AP3B2: variants seen among roughly 807,000 people sequenced by gnomAD.
The protein encoded by AP3B2 is AP-3 complex subunit beta-2.
Under a neutral mutation model 126.9 loss-of-function variants are expected in AP3B2, and 50 were observed. The observed-to-expected ratio is 0.39, with a 90% CI of 0.31 to 0.50. The LOEUF (loss-of-function observed/expected upper bound fraction) is 0.50, where lower values mean the gene tolerates loss of function less well. Ranked by LOEUF, AP3B2 falls within the 20% of genes least tolerant of loss-of-function variation. The pLI, the probability that AP3B2 is intolerant of heterozygous loss-of-function variation, is 0.79. For missense variants in AP3B2, 1,177 were observed against 1,426.4 expected (o/e 0.83, Z 2.82); for synonymous variants, 541 against 565.0 (o/e 0.96, Z 0.60).
rs1293461899 is a variant in AP3B2, at chr15:82,679,799, C to A, written c.1112G>T (p.Gly371Val). Residue 371 changes from glycine (G) to valine (V), a missense_variant and splice_region_variant, in exon 10 of 27, where the codon GGT becomes GTT. By Grantham distance (109) the Gly-to-Val change is moderately radical. Around this residue, in one of 5 missense-constraint regions of AP3B2, gnomAD observed 308 missense variants for 452.4 expected, o/e 0.68. Coordinates refer to ENST00000535359, the MANE Select transcript of AP3B2 (RefSeq NM_001278512.2). ...NVATMSIKRR[G>V]MFEPYLKSFY... is the part of the protein sequence containing the mutation. ...GCTCTTCAGGTAGGGCTCAAACATA[C>A]CCTGGCACAAGAGAGGCAGCTAGGG... 3.7e-6 allele frequency: 6 copies of A among 1,613,778 alleles called. No individual in the cohort carries two copies. Among genetic ancestry groups the A allele is most frequent in the Non-Finnish European group, 5.1e-6 (6 of 1,179,816 alleles).
chr15:82,678,015 T>C (rs2048272815), intron 11 of AP3B2, 90 bp downstream of exon 11: 2 of 1,479,472 alleles, frequency 1.4e-6, no homozygotes, highest in East Asian at 2.3e-5. Flanking sequence ...TTCTCCAGCC[T>C]TGGGCTCATA....
chr15:82,666,672 G>C lies in AP3B2; in HGVS notation c.1852+75C>G. ...CCTGGTGCCTGGCTAGGGGCCTCAG[G>C]AAGGTCTGGGGCAGAGACTCTGGCC... On this transcript the variant is annotated intron_variant, in intron 15 of 26. Coordinates refer to ENST00000535359, the MANE Select transcript of AP3B2 (RefSeq NM_001278512.2). 5 of 1,495,568 alleles carry C rather than the reference G, an allele frequency of 3.3e-6. No individual in the cohort carries two copies. In the South Asian group the frequency reaches 6.6e-5, roughly 20 times the overall value. The allele number at this position is 1,495,568 out of a possible 1,614,324, so 92.6% of individuals were successfully genotyped here. A position where few individuals can be genotyped will look rare whatever the true frequency, so the allele number is the denominator to read the frequency against.
intron 1 of AP3B2, chr15:82,699,749 C>G (rs1359014688): frequency 2.5e-6 from 1 of 399,406 alleles, no homozygotes; most frequent in Non-Finnish European, 4.4e-6. Context: ...GGCTCCAAGG[C>G]CTGGTACCGG....
chr15:82,689,528 AAAG>A, intron 1 of AP3B2, 75 bp from the exon 2 acceptor site: 2 of 1,440,358 alleles, frequency 1.4e-6, no homozygotes, highest in Non-Finnish European at 1.9e-6. Context: ...GTCCAGGCAC[AAAG>A]AAGGGACATG....
chr15:82,663,371 C>CTAGA (rs1305869943), intron 21 of AP3B2, 138 bp from the exon 22 acceptor site: 4 of 974,322 alleles, frequency 4.1e-6, no homozygotes, highest in Non-Finnish European at 6.4e-6. Flanking sequence ...TCGCAAAATA[C>CTAGA]CCATTCCTAG....
At chr15:82,695,240 C>CGT (rs1182423865) in intron 1 of AP3B2, among the ~76,000 whole-genome samples, 1 of 151,938 alleles carries the variant, frequency 6.6e-6, no homozygotes, top group Non-Finnish European at 1.5e-5. Flanking sequence ...GCTGGGACTA[C>CGT]AGTTGCCCAC....
At chr15:82,662,660 C>T in intron 23 of AP3B2, 34 bp downstream of exon 23, 2 of 1,566,968 alleles carry the variant, frequency 1.3e-6, no homozygotes, top group Non-Finnish European at 1.7e-6. Flanking sequence ...TGCCCAGGAG[C>T]CTCCTCCTCC....
chr15:82,682,116 A>G (rs2151442325), intron 4 of AP3B2, among the ~76,000 whole-genome samples: 1 of 135,342 alleles, frequency 7.4e-6, no homozygotes, highest in Admixed American at 8.4e-5. Context: ...CGGTGGTGCA[A>G]TCTCGGCTCA....
intron 1 of AP3B2, among the ~76,000 whole-genome samples, chr15:82,690,301 C>T (rs2048505120): frequency 2.6e-5 from 4 of 151,760 alleles, no homozygotes; most frequent in East Asian, 1.9e-4. Context: ...ATGTGCACAA[C>T]GTGCAGCTTT....
In AP3B2 at chr15:82,689,224, G is replaced by A. The variant is rs763351304; in HGVS notation, c.198C>T (p.Ala66=). ...EAMKRIVAMI[A]RGKNASDLFP... ...ACAGGTCTGAAGCATTCTTTCCTCG[G>A]GCAATCATCTGGGTGGTGGGGTCAA... The change falls in exon 3 of 27, where the codon GCC becomes GCT. Residue 66 remains alanine, a synonymous_variant. Coordinates refer to ENST00000535359, the MANE Select transcript of AP3B2 (RefSeq NM_001278512.2). 1.9e-6 allele frequency: 3 copies of A among 1,614,008 alleles called. No individual in the cohort carries two copies. The highest frequency in any genetic ancestry group is 2.5e-6 in the Non-Finnish European group (3 of 1,179,900).
chr15:82,696,089 T>C (rs1296120827), intron 1 of AP3B2, among the ~76,000 whole-genome samples: 2 of 152,148 alleles, frequency 1.3e-5, no homozygotes, highest in Non-Finnish European at 2.9e-5. Flanking sequence ...CCAAATTTCC[T>C]CTTCTTATAA....
chr15:82,688,676 ACTC>A (rs1224616138), intron 4 of AP3B2, 57 bp downstream of exon 4: 3 of 1,466,082 alleles, frequency 2.0e-6, no homozygotes, highest in Non-Finnish European at 2.8e-6. Context: ...CCCCAGGCCT[ACTC>A]CTCCGATACA....
At chr15:82,699,850 C>T (rs1460054799) in intron 1 of AP3B2, 1 of 399,712 alleles carries the variant, frequency 2.5e-6, no homozygotes, top group Admixed American at 4.4e-5. Context: ...CACCACGGCC[C>T]CCGGGAGCTG....
At chr15:82,683,407 C>T (rs1206690962) in intron 4 of AP3B2, among the ~76,000 whole-genome samples, 1 of 152,136 alleles carries the variant, frequency 6.6e-6, no homozygotes, top group Non-Finnish European at 1.5e-5. Context: ...GAAGCAAGTC[C>T]TCATCCATTC....
chr15:82,676,339 C>T (rs2048242081), intron 14 of AP3B2, 122 bp downstream of exon 14: 2 of 1,057,830 alleles, frequency 1.9e-6, no homozygotes, highest in African/African-American at 1.6e-5. Flanking sequence ...AGCCACCTTC[C>T]CTGATTCTTC....
At chr15:82,707,593 C>T (rs1036147274) in intron 1 of AP3B2, among the ~76,000 whole-genome samples, 1 of 152,200 alleles carries the variant, frequency 6.6e-6, no homozygotes, top group Non-Finnish European at 1.5e-5. Flanking sequence ...CCCCAAACTG[C>T]CAGTCTTAAC....
In AP3B2 at chr15:82,680,383, C is replaced by G; in HGVS notation, c.1055+89G>C. The stretch of plus-strand genomic sequence containing the variant: ...TGGAGCGGGTGGGCAGAGGTGGAAG[C>G]GGCTGGTGGGCGTGAGGGGGCGGAG... On this transcript the variant is annotated intron_variant, in intron 8 of 26. Coordinates refer to ENST00000535359, the MANE Select transcript of AP3B2 (RefSeq NM_001278512.2). This position sits in a 1 kb window ranked among gnomAD's most constrained non-coding sequence, Gnocchi z 6.1. 6 of 1,431,580 alleles carry G rather than the reference C, an allele frequency of 4.2e-6. No homozygotes were observed. The highest frequency in any genetic ancestry group is 4.6e-6 in the Non-Finnish European group (5 of 1,082,932). 88.7% of individuals were successfully genotyped at this position (1,431,580 alleles called of 1,614,324 possible). A position where few individuals can be genotyped will look rare whatever the true frequency, so the allele number is the denominator to read the frequency against.
At chr15:82,668,536 T>A (rs59236817) in intron 14 of AP3B2, among the ~76,000 whole-genome samples, 1,815 of 152,268 alleles carry the variant, frequency 0.012, 42 homozygotes, top group African/African-American at 0.041. Flanking sequence ...CTCCTTCAAG[T>A]CCTTGCCTAG....
intron 1 of AP3B2, among the ~76,000 whole-genome samples, chr15:82,703,849 C>T (rs1409866875): frequency 1.3e-5 from 2 of 152,102 alleles, no homozygotes; most frequent in African/African-American, 2.4e-5. Context: ...TCCTTTTCTA[C>T]CGACCCATCT....
Sources: gnomAD v4.1 joint callset for allele counts (sites outside exome capture counted in the v4.1 genomes callset) on GRCh38, gnomAD v4.1.1 for gene constraint, gnomAD v4.1.1 regional missense constraint, Gnocchi (gnomAD v3.1) non-coding constraint, MANE v1.5 for transcripts, NCBI Gene and HGNC (gene_info 2026-07-23, HGNC 2026-07-21) for gene names.